The following ENTPD1 variants were observed in gnomAD, a reference collection of about 807,000 sequenced individuals.
The protein encoded by ENTPD1 is ATP diphosphohydrolase.
In ENTPD1, 33 loss-of-function variants were observed where a neutral mutation model predicts 57.0. That is an observed-to-expected ratio of 0.58 (90% CI 0.44 to 0.77). The LOEUF (loss-of-function observed/expected upper bound fraction) is 0.77, where lower values mean the gene tolerates loss of function less well. Ranked by LOEUF, ENTPD1 falls within the 30% of genes least tolerant of loss-of-function variation. The pLI, the probability that ENTPD1 is intolerant of heterozygous loss-of-function variation, is 0.00. For synonymous variants in ENTPD1, 202 were observed against 218.8 expected, an observed-to-expected ratio of 0.92 and a Z score of 0.68; for missense variants, 501 against 603.4, an observed-to-expected ratio of 0.83 and a Z score of 1.78.
Position 95,769,664 on chromosome 10 carries a change from A to G in ENTPD1, c.16+13409A>G, listed in dbSNP as rs548979063. On this transcript the variant is annotated intron_variant, in intron 1 of 9. Coordinates refer to ENST00000371205, the MANE Select transcript of ENTPD1 (RefSeq NM_001776.6). Reference sequence around the variant, plus strand: ...TCTGGCTGCATTGTAGAGAACAGACATAAAGGGATATAAGCAGAGAGACTA... The same window carrying G: ...TCTGGCTGCATTGTAGAGAACAGACGTAAAGGGATATAAGCAGAGAGACTA... Among the ~76,000 whole-genome samples the G allele has an allele frequency of 2.6e-5, 4 of 152,382 alleles. No individual in the cohort carries two copies. In the South Asian group the frequency reaches 8.3e-4, roughly 32 times the overall value.
upstream of ENTPD1, among the ~76,000 whole-genome samples, chr10:95,752,340 A>G (rs1012608988): frequency 2.6e-5 from 4 of 152,192 alleles, no homozygotes; most frequent in Non-Finnish European, 1.5e-5. Flanking sequence ...TTTTTTAAAA[A>G]TTGTGATAAA....
At chr10:95,788,700 T>C (rs1374249135) in intron 1 of ENTPD1, among the ~76,000 whole-genome samples, 1 of 152,080 alleles carries the variant, frequency 6.6e-6, no homozygotes, top group Admixed American at 6.5e-5. Flanking sequence ...TAAATAATCA[T>C]AATGGATGAG....
At chr10:95,855,491 G>A (rs1428511700) in intron 7 of ENTPD1, among the ~76,000 whole-genome samples, 2 of 152,032 alleles carry the variant, frequency 1.3e-5, no homozygotes, top group Non-Finnish European at 2.9e-5. Context: ...GATGTTAGCT[G>A]GTTATTTTGC....
At chr10:95,763,080 A>G (rs2098073343) in intron 1 of ENTPD1, among the ~76,000 whole-genome samples, 1 of 151,528 alleles carries the variant, frequency 6.6e-6, no homozygotes, top group African/African-American at 2.4e-5. Context: ...GTTTTTCTGT[A>G]TTTATTTATT....
In ENTPD1 at chr10:95,871,628, A is replaced by G. The variant is rs2098480559; in HGVS notation, c.*5245A>G. ...TCTCTTTAGAAAAGTGGCATTCAAG[A>G]CTCTTCATTTGAAGTGAAGATTGCT... On this transcript the variant is annotated 3_prime_UTR_variant, in exon 10 of 10. Transcript: ENST00000371205. The G allele has an allele frequency of 1.0e-6, 1 of 985,104 alleles. No homozygotes were observed. The highest frequency in any genetic ancestry group is 1.2e-6 in the Non-Finnish European group (1 of 829,888). The allele number at this position is 985,104 out of a possible 1,614,324, so 61.0% of individuals were successfully genotyped here.
In ENTPD1 at chr10:95,712,168, T is replaced by C. The variant is rs12244559; in HGVS notation, c.37+175T>C. ...GCGACTCTGGTGTCCTTTTTTGGTA[T>C]GAATATTCACATTGTTCGGTCCCTT... On this transcript the variant is annotated intron_variant, in intron 1 of 9. Transcript: ENST00000453258. Among the ~76,000 whole-genome samples, 53,799 of 152,040 alleles carry C rather than the reference T, an allele frequency of 0.35. 10,121 individuals carry two copies. Among genetic ancestry groups the C allele is most frequent in the East Asian group, 0.7 (3,598 of 5,170 alleles).
At chr10:95,703,080 C>T in the ENTPD1 span, among the ~76,000 whole-genome samples, 1 of 151,518 alleles carries the variant, frequency 6.6e-6, no homozygotes, top group Non-Finnish European at 1.5e-5. Flanking sequence ...CCACCGCGCC[C>T]GGCCTACACC....
chr10:95,771,318 AATTAT>A (rs1324888547), intron 1 of ENTPD1, among the ~76,000 whole-genome samples: 2 of 152,208 alleles, frequency 1.3e-5, no homozygotes, highest in African/African-American at 2.4e-5. Context: ...CCAAATATAT[AATTAT>A]ATTATAACTT....
At position 95,873,195 on chromosome 10, in the gene ENTPD1, T is replaced by C; in HGVS notation, c.*6812T>C. 1 of 985,472 alleles carries C rather than the reference T, an allele frequency of 1.0e-6. No individual in the cohort carries two copies. Among genetic ancestry groups the C allele is most frequent in the Non-Finnish European group, 1.2e-6 (1 of 829,936 alleles). The allele number at this position is 985,472 out of a possible 1,614,324, so 61.0% of individuals were successfully genotyped here. ...CGTATCAAAGGTCTAGATGACATTATCATTCCAAAGAGTTTCTTTTACAGG... is the reference window on the plus strand; with the variant it reads ...CGTATCAAAGGTCTAGATGACATTACCATTCCAAAGAGTTTCTTTTACAGG... On this transcript the variant is annotated 3_prime_UTR_variant, in exon 10 of 10. Coordinates refer to ENST00000371205, the MANE Select transcript of ENTPD1 (RefSeq NM_001776.6).
At chr10:95,851,737 T>C in intron 7 of ENTPD1, among the ~76,000 whole-genome samples, 1 of 152,110 alleles carries the variant, frequency 6.6e-6, no homozygotes, top group Non-Finnish European at 1.5e-5. Context: ...GCTCCATCCA[T>C]GTCCCTGCAA....
chr10:95,694,895 ATTTTTT>A, the ENTPD1 span, among the ~76,000 whole-genome samples: 2 of 98,744 alleles, frequency 2.0e-5, no homozygotes, highest in Admixed American at 1.1e-4. Flanking sequence ...TGAGGAGCTG[ATTTTTT>A]TTTTTTTTTT....
chr10:95,750,407 T>TTAA (rs986795361), intron 1 of ENTPD1, among the ~76,000 whole-genome samples: 1 of 152,128 alleles, frequency 6.6e-6, no homozygotes, highest in Non-Finnish European at 1.5e-5. Flanking sequence ...ATCTGGTTGT[T>TTAA]TAAGAGTCTG....
rs879102703 is a variant in ENTPD1 at position 95,868,033 on chromosome 10, C to A, written c.*1650C>A. ...GTAGTTGCCTATACTGTCATCGCTGCTGTTGGTTGAGCATTTGTGGTGTAC... is the reference window on the plus strand; with the variant it reads ...GTAGTTGCCTATACTGTCATCGCTGATGTTGGTTGAGCATTTGTGGTGTAC... On this transcript the variant is annotated 3_prime_UTR_variant, in exon 10 of 10. Transcript: ENST00000371205. 5.1e-6 allele frequency: 5 copies of A among 985,482 alleles called. No individual in the cohort carries two copies. Among genetic ancestry groups the A allele is most frequent in the Middle Eastern group, 5.2e-4 (1 of 1,914 alleles). 61.0% of individuals were successfully genotyped at this position (985,482 alleles called of 1,614,324 possible). A position where few individuals can be genotyped will look rare whatever the true frequency, so the allele number is the denominator to read the frequency against.
intron 1 of ENTPD1, among the ~76,000 whole-genome samples, chr10:95,811,746 C>A (rs1365485744): frequency 2.6e-5 from 4 of 152,182 alleles, no homozygotes; most frequent in Non-Finnish European, 5.9e-5. Flanking sequence ...ATTCATAGAT[C>A]TAGCTCAGTC....
chr10:95,869,241 C>CTTTTTTTTTTTTTTTTTTTTTT lies in ENTPD1; in HGVS notation c.*2863_*2884dup, dbSNP rs11312564. The CTTTTTTTTTTTTTTTTTTTTTT allele has an allele frequency of 3.2e-6, 2 of 629,798 alleles. 1 individual carries two copies. Among genetic ancestry groups the CTTTTTTTTTTTTTTTTTTTTTT allele is most frequent in the Non-Finnish European group, 3.7e-6 (2 of 542,294 alleles). The allele number at this position is 629,798 out of a possible 1,614,324, so 39.0% of individuals were successfully genotyped here. Reference sequence around the variant, plus strand: ...GAAAAAAGATCAGCAGAAGTCATTACTTTTTTTTTTTTTTTTTTTTTTTTT... The same window carrying CTTTTTTTTTTTTTTTTTTTTTT: ...GAAAAAAGATCAGCAGAAGTCATTACTTTTTTTTTTTTTTTTTTTTTTTTTTTTTTTTTTTTTTTTTTTTTTT... On this transcript the variant is annotated 3_prime_UTR_variant, in exon 10 of 10. Transcript: ENST00000371205.
chr10:95,835,014 G>A (rs2098406296), intron 2 of ENTPD1, among the ~76,000 whole-genome samples: 1 of 152,212 alleles, frequency 6.6e-6, no homozygotes, highest in African/African-American at 2.4e-5. Context: ...TGATGCTGAG[G>A]TTTGGGCTTC....
chr10:95,720,551 C>A (rs1410926597), intron 1 of ENTPD1, among the ~76,000 whole-genome samples: 9 of 152,118 alleles, frequency 5.9e-5, no homozygotes. Flanking sequence ...GAAGGCCGTG[C>A]CAGTGTCCAG....
At chr10:95,730,548 T>C (rs931493010) in intron 1 of ENTPD1, among the ~76,000 whole-genome samples, 1 of 44,908 alleles carries the variant, frequency 2.2e-5, no homozygotes, top group Non-Finnish European at 4.2e-5. Flanking sequence ...TAAAAGGAAA[T>C]AATGGGGAAA....
rs570494162 is a variant in ENTPD1 at position 95,874,656 on chromosome 10, C to CT, written c.*8274dup. Reference sequence around the variant, plus strand: ...CCCCAACAGGGACTCTGTGTGGGGGCTCTGCCCCACATTTCCCTTCCACAC... The same window carrying CT: ...CCCCAACAGGGACTCTGTGTGGGGGCTTCTGCCCCACATTTCCCTTCCACAC... On this transcript the variant is annotated 3_prime_UTR_variant, in exon 10 of 10. Transcript: ENST00000371205. Among the ~76,000 whole-genome samples, 94 of 152,344 alleles carry CT rather than the reference C, an allele frequency of 6.2e-4. No homozygotes were observed. Among genetic ancestry groups the CT allele is most frequent in the African/African-American group, 2.1e-3 (87 of 41,574 alleles).
Sources: gnomAD v4.1 joint callset for allele counts (sites outside exome capture counted in the v4.1 genomes callset) on GRCh38, gnomAD v4.1.1 for gene constraint, MANE v1.5 for transcripts, NCBI Gene and HGNC (gene_info 2026-07-23, HGNC 2026-07-21) for gene names.